SGCD: variants seen among roughly 807,000 people sequenced by gnomAD.
The protein encoded by SGCD is delta-sarcoglycan.
In SGCD, 18 loss-of-function variants were observed where a neutral mutation model predicts 36.6. That is an observed-to-expected ratio of 0.49 (90% CI 0.34 to 0.73). The LOEUF (loss-of-function observed/expected upper bound fraction) is 0.73, where lower values mean the gene tolerates loss of function less well. Ranked by LOEUF, SGCD falls within the 30% of genes least tolerant of loss-of-function variation. The probability of loss-of-function intolerance (pLI) is 0.01; values close to 1 mark genes in which losing one functional copy is unlikely to be tolerated. For synonymous variants in SGCD, 133 were observed against 130.6 expected (o/e 1.02, Z -0.12); for missense variants, 387 against 346.7 (o/e 1.12, Z -0.92).
intron 3 of SGCD, among the ~76,000 whole-genome samples, chr5:156,418,524 G>GT (rs1231257459): frequency 6.6e-6 from 1 of 152,160 alleles, no homozygotes; most frequent in Non-Finnish European, 1.5e-5. Flanking sequence ...TTGTCTTTGA[G>GT]AGACCTCATA....
At chr5:156,084,508 G>C (rs1461263543) in intron 1 of SGCD, among the ~76,000 whole-genome samples, 1 of 152,164 alleles carries the variant, frequency 6.6e-6, no homozygotes, top group Non-Finnish European at 1.5e-5. Context: ...TAAGAGATCA[G>C]GCATGTTCAG....
At chr5:156,608,815 T>C (rs913100003) in intron 6 of SGCD, among the ~76,000 whole-genome samples, 15 of 152,154 alleles carry the variant, frequency 9.9e-5, no homozygotes, top group African/African-American at 1.7e-4. Context: ...TCTTTGTCTC[T>C]TTTGATCTTT....
chr5:156,610,497 A>G (rs1761741632), intron 6 of SGCD, among the ~76,000 whole-genome samples: 1 of 152,210 alleles, frequency 6.6e-6, no homozygotes, highest in African/African-American at 2.4e-5. Context: ...TCAGGGACCC[A>G]CTTGAGGGGG....
At chr5:156,287,950 C>G (rs1448306994) in intron 3 of SGCD, among the ~76,000 whole-genome samples, 1 of 152,028 alleles carries the variant, frequency 6.6e-6, no homozygotes, top group Non-Finnish European at 1.5e-5. Context: ...CCAGGTACTG[C>G]GTCTGGACAA....
In SGCD at chr5:155,891,007, TCC is replaced by T. The variant is rs1756116554; in HGVS notation, c.-282+20585_-282+20586del. Among the ~76,000 whole-genome samples the T allele has an allele frequency of 2.0e-5, 3 of 152,232 alleles. No individual in the cohort carries two copies. In the South Asian group the frequency reaches 6.2e-4, roughly 32 times the overall value. On this transcript the variant is annotated intron_variant, in intron 1 of 9. Coordinates refer to the SGCD transcript ENST00000517913. ...AAATTCACAAAAAAAGACTGGGTTG[TCC>T]CTAAAGCATAAAAAGAGGATGCTAG...
At chr5:156,543,180 C>T (rs932649654) in intron 4 of SGCD, among the ~76,000 whole-genome samples, 3 of 152,250 alleles carry the variant, frequency 2.0e-5, no homozygotes, top group East Asian at 3.9e-4. Flanking sequence ...TTCTTTATTG[C>T]GGGAGCTGTC....
At chr5:156,510,574 G>A (rs1189288463) in intron 4 of SGCD, among the ~76,000 whole-genome samples, 2 of 151,976 alleles carry the variant, frequency 1.3e-5, no homozygotes, top group Admixed American at 6.6e-5. Flanking sequence ...TCTGTAAAGG[G>A]CCAGAAAGTA....
intron 1 of SGCD, among the ~76,000 whole-genome samples, chr5:155,882,554 G>A (rs1175715703): frequency 6.6e-6 from 1 of 152,168 alleles, no homozygotes; most frequent in Admixed American, 6.5e-5. Context: ...GCTGAATGGT[G>A]GCTGTGTCAG....
intron 1 of SGCD, among the ~76,000 whole-genome samples, chr5:156,076,877 G>T (rs1404117646): frequency 6.6e-6 from 1 of 152,110 alleles, no homozygotes. Flanking sequence ...AGGCGTCAAT[G>T]ACTTCACAGA....
At chr5:156,647,604 T>G in intron 7 of SGCD, 68 bp downstream of exon 7, 2 of 1,000,476 alleles carry the variant, frequency 2.0e-6, no homozygotes, top group South Asian at 2.8e-5. Context: ...TGGCCAGTGA[T>G]TCATTCTGAA....
intron 1 of SGCD, among the ~76,000 whole-genome samples, chr5:156,105,450 C>T (rs3097863): frequency 0.13 from 19,588 of 152,028 alleles, 1,444 homozygotes; most frequent in East Asian, 0.19. Context: ...AATGTTATTG[C>T]CTTTGTAAAT....
chr5:156,385,959 A>T (rs1292057541), intron 3 of SGCD, among the ~76,000 whole-genome samples: 1 of 152,174 alleles, frequency 6.6e-6, no homozygotes, highest in Non-Finnish European at 1.5e-5. Flanking sequence ...AAAAGTAAAC[A>T]TTTTGCCCCT....
At chr5:156,303,737 G>T (rs1767122981) in intron 3 of SGCD, among the ~76,000 whole-genome samples, 1 of 151,660 alleles carries the variant, frequency 6.6e-6, no homozygotes, top group Non-Finnish European at 1.5e-5. Flanking sequence ...CCTAGGGTGT[G>T]TCTATATATG....
At chr5:156,477,681 T>C (rs1477317191) in intron 3 of SGCD, among the ~76,000 whole-genome samples, 1 of 110,378 alleles carries the variant, frequency 9.1e-6, no homozygotes, top group Non-Finnish European at 1.8e-5. Flanking sequence ...TAAAAGTATT[T>C]GAGCAAAAAA....
Position 156,329,610 on chromosome 5 carries a change from A to G in SGCD, c.3+31A>G, listed in dbSNP as rs764395998. 3.1e-6 allele frequency: 5 copies of G among 1,606,350 alleles called. 1 individual carries two copies. In the South Asian group the frequency reaches 5.5e-5, roughly 18 times the overall value. ...TAATTCCCGGGAGCGAAGCTTGTTCAAGGCCCTGCTCATGGTCATTTTATT... is the reference window on the plus strand; with the variant it reads ...TAATTCCCGGGAGCGAAGCTTGTTCGAGGCCCTGCTCATGGTCATTTTATT... On this transcript the variant is annotated intron_variant, in intron 2 of 8. Coordinates refer to ENST00000337851, the MANE Select transcript of SGCD (RefSeq NM_000337.6).
chr5:155,871,486 G>T (rs1198786173), intron 1 of SGCD, among the ~76,000 whole-genome samples: 2 of 152,184 alleles, frequency 1.3e-5, no homozygotes, highest in Admixed American at 6.5e-5. Flanking sequence ...GGTAAGAAAA[G>T]CCTGGATAGG....
chr5:156,500,590 G>C (rs371941843), intron 3 of SGCD, among the ~76,000 whole-genome samples: 1 of 152,228 alleles, frequency 6.6e-6, no homozygotes, highest in African/African-American at 2.4e-5. Flanking sequence ...CTTTTTTTCT[G>C]TTAATAGATT....
At chr5:155,894,480 A>T (rs1756205204) in intron 1 of SGCD, among the ~76,000 whole-genome samples, 1 of 152,178 alleles carries the variant, frequency 6.6e-6, no homozygotes, top group African/African-American at 2.4e-5. Flanking sequence ...AGAAGTCCCC[A>T]ACTCCCAGTA....
chr5:156,633,990 A>G (rs566336994), intron 6 of SGCD, among the ~76,000 whole-genome samples: 6 of 152,228 alleles, frequency 3.9e-5, no homozygotes, highest in African/African-American at 1.2e-4. Context: ...TTTCTGAGAG[A>G]TGGTCACCTC....
Sources: allele counts gnomAD v4.1 joint callset (sites outside exome capture counted in the v4.1 genomes callset), GRCh38; gene constraint gnomAD v4.1.1; transcripts MANE v1.5; gene names NCBI Gene and HGNC (gene_info 2026-07-23, HGNC 2026-07-21).